PAXIP1: variants seen among roughly 807,000 people sequenced by gnomAD.
The protein encoded by PAXIP1 is PAX-interacting protein 1.
A neutral mutation model predicts 140.6 loss-of-function variants in PAXIP1; 19 were observed. The observed-to-expected ratio is 0.14, with a 90% CI of 0.09 to 0.20. PAXIP1 has a LOEUF of 0.20. Ranked by LOEUF, PAXIP1 falls within the 10% of genes least tolerant of loss-of-function variation. The probability of loss-of-function intolerance (pLI) is 1.00; values close to 1 mark genes in which losing one functional copy is unlikely to be tolerated. For synonymous variants in PAXIP1, 442 were observed against 444.6 expected (o/e 0.99, Z 0.07); for missense variants, 920 against 1,208.6 (o/e 0.76, Z 3.54).
In PAXIP1 at chr7:154,946,473, C is replaced by G. The variant is rs776022267; in HGVS notation, c.3133+39G>C. 3.1e-6 allele frequency: 5 copies of G among 1,602,716 alleles called. No homozygotes were observed. The Admixed American group carries it at 8.3e-5, about 27-fold the overall frequency. On this transcript the variant is annotated intron_variant, in intron 19 of 20. Coordinates refer to ENST00000404141, the MANE Select transcript of PAXIP1 (RefSeq NM_007349.4). The surrounding 1 kb of genome is among the most constrained non-coding windows in gnomAD (Gnocchi z 4.9). ...CTTTAGTTAGAGATCCACTGCTGTG[C>G]GTGCACACATACTCACACAGGTAAG...
At chr7:154,970,355 A>G (rs1016733719) in intron 6 of PAXIP1, among the ~76,000 whole-genome samples, 3 of 152,238 alleles carry the variant, frequency 2.0e-5, no homozygotes, top group Non-Finnish European at 2.9e-5. Flanking sequence ...TGCAAAGATT[A>G]TATGACCTGC....
chr7:154,980,716 T>G (rs1809802208), intron 5 of PAXIP1, among the ~76,000 whole-genome samples: 1 of 152,216 alleles, frequency 6.6e-6, no homozygotes, highest in African/African-American at 2.4e-5. Context: ...TTCTGGCCCA[T>G]GTAATATCTT....
At chr7:154,957,197 TG>T (rs111310745) in intron 14 of PAXIP1, 26 bp downstream of exon 14, 2 of 1,345,304 alleles carry the variant, frequency 1.5e-6, no homozygotes, top group Non-Finnish European at 2.1e-6. Flanking sequence ...AAGCCAGCAA[TG>T]AAAAATTTAA....
intron 4 of PAXIP1, among the ~76,000 whole-genome samples, chr7:154,987,967 C>T (rs1810151931): frequency 6.6e-6 from 1 of 152,174 alleles, no homozygotes; most frequent in African/African-American, 2.4e-5. Flanking sequence ...ACAAGTGATT[C>T]TAATTTTGTT....
chr7:154,963,837 G>A lies in PAXIP1; in HGVS notation c.1894-71C>T. ...AGAGGAGAATTCCAATTTCAAATAAGGCAGCTATTAAAAGACTCTATCATA... is the reference window on the plus strand; with the variant it reads ...AGAGGAGAATTCCAATTTCAAATAAAGCAGCTATTAAAAGACTCTATCATA... On this transcript the variant is annotated intron_variant, in intron 8 of 20. Coordinates refer to ENST00000404141, the MANE Select transcript of PAXIP1 (RefSeq NM_007349.4). This position sits in a 1 kb window ranked among gnomAD's most constrained non-coding sequence, Gnocchi z 4.1. 1 of 1,002,762 alleles carries A rather than the reference G, an allele frequency of 1.0e-6. No homozygotes were observed. Among genetic ancestry groups the A allele is most frequent in the Middle Eastern group, 2.1e-4 (1 of 4,672 alleles). The allele number at this position is 1,002,762 out of a possible 1,614,324, so 62.1% of individuals were successfully genotyped here. A position where few individuals can be genotyped will look rare whatever the true frequency, so the allele number is the denominator to read the frequency against.
chr7:154,944,498 G>T, intron 20 of PAXIP1: 1 of 185,020 alleles, frequency 5.4e-6, no homozygotes, highest in Non-Finnish European at 1.1e-5. Flanking sequence ...CATCCCCAAA[G>T]CCCCACCACA....
intron 6 of PAXIP1, among the ~76,000 whole-genome samples, 177 bp downstream of exon 6, chr7:154,975,517 TAC>T (rs1382562369): frequency 1.7e-5 from 1 of 59,128 alleles, no homozygotes; most frequent in African/African-American, 6.4e-5. Context: ...TATACATATA[TAC>T]ACATACACAC....
chr7:154,963,735 G>A lies in PAXIP1; in HGVS notation c.1925C>T (p.Pro642Leu). The A allele has an allele frequency of 6.2e-7, 1 of 1,613,516 alleles. No individual in the cohort carries two copies. Among genetic ancestry groups the A allele is most frequent in the Non-Finnish European group, 8.5e-7 (1 of 1,179,728 alleles). ...GTGCGTGCATCGACTCGTGAAGGTG[G>A]GGTCAACAGTGCCGCCATGTGCCTG... is the stretch of plus-strand genomic sequence containing the variant. Reference protein sequence around the residue: ...IIQAHGGTVDPTFTSRCTHLL... With the variant: ...IIQAHGGTVDLTFTSRCTHLL... The change falls in exon 9 of 21, where the codon CCC becomes CTC. Residue 642 changes from proline (P) to leucine (L), a missense_variant. Transcript: ENST00000404141. This position sits in a 1 kb window ranked among gnomAD's most constrained non-coding sequence, Gnocchi z 4.1.
At chr7:154,969,204 G>A (rs1368575283) in intron 6 of PAXIP1, 78 bp from the exon 7 acceptor site, 1 of 1,383,020 alleles carries the variant, frequency 7.2e-7, no homozygotes, top group Non-Finnish European at 9.5e-7. Flanking sequence ...TCAAGAGAAT[G>A]GCATATCCTA....
At chr7:155,003,255 G>GA (rs1554514720), upstream of PAXIP1, among the ~76,000 whole-genome samples, 1 of 151,160 alleles carries the variant, frequency 6.6e-6, no homozygotes, top group African/African-American at 2.4e-5. Context: ...GGTAGCTGGC[G>GA]CCGGCAGCCC....
At chr7:155,001,925 G>A (rs764432907) in intron 1 of PAXIP1, 2 of 152,268 alleles carry the variant, frequency 1.3e-5, no homozygotes, top group Non-Finnish European at 2.9e-5. Flanking sequence ...TGCGAAATAT[G>A]AGTCTCCGCC....
At chr7:154,989,267 T>TTAAC (rs1176363182) in intron 4 of PAXIP1, among the ~76,000 whole-genome samples, 1 of 152,220 alleles carries the variant, frequency 6.6e-6, no homozygotes, top group Admixed American at 6.5e-5. Context: ...ATCCTTTGTA[T>TTAAC]TAACTGTTGA....
intron 4 of PAXIP1, among the ~76,000 whole-genome samples, chr7:154,988,562 C>A (rs1810180082): frequency 6.6e-6 from 1 of 152,096 alleles, no homozygotes; most frequent in Admixed American, 6.5e-5. Flanking sequence ...TATCTAATTA[C>A]CTCATTTGAA....
intron 13 of PAXIP1, among the ~76,000 whole-genome samples, chr7:154,957,960 C>A (rs530710576): frequency 1.7e-5 from 2 of 115,850 alleles, no homozygotes; most frequent in African/African-American, 6.6e-5. Context: ...GGCGACAGAG[C>A]GAGACTCCGT....
At chr7:154,964,720 A>G (rs1808925602) in intron 8 of PAXIP1, 1 of 152,166 alleles carries the variant, frequency 6.6e-6, no homozygotes, top group Admixed American at 6.5e-5. Context: ...ACATTCTTCA[A>G]GCCTTCCTGA....
Position 154,954,352 on chromosome 7 carries a change from C to G in PAXIP1, c.2724G>C (p.Val908=). The change falls in exon 16 of 21, where the codon GTG becomes GTC. Residue 908 remains valine, a synonymous_variant. Transcript: ENST00000404141. This position sits in a 1 kb window ranked among gnomAD's most constrained non-coding sequence, Gnocchi z 5.1. ...CCGTCAGGAACTTCACGGTGCGAGT[C>G]ACTTTGCTGGCAATGAGGTGTGTGC... is the stretch of plus-strand genomic sequence containing the variant. The part of the protein sequence containing the change: ...QKCTHLIASK[V]TRTVKFLTAI... 1 of 1,609,444 alleles carries G rather than the reference C, an allele frequency of 6.2e-7. No homozygotes were observed. The highest frequency in any genetic ancestry group is 8.5e-7 in the Non-Finnish European group (1 of 1,176,606).
Position 154,963,070 on chromosome 7 carries a change from CT to C in PAXIP1, c.1989+600del, listed in dbSNP as rs1808834091. ...AGAAAAGCTCTGTAAGGGACCTGGT[CT>C]TTACACGCTTGTGTGCAAGTCACAC... On this transcript the variant is annotated intron_variant, in intron 9 of 20. Transcript: ENST00000404141. The surrounding 1 kb of genome is among the most constrained non-coding windows in gnomAD (Gnocchi z 4.1). 6.6e-6 allele frequency among the ~76,000 whole-genome samples: 1 copy of C among 152,202 alleles called. No individual in the cohort carries two copies. The highest frequency in any genetic ancestry group is 2.1e-4 in the South Asian group (1 of 4,830).
Position 154,963,544 on chromosome 7 carries a change from A to G in PAXIP1, c.1989+127T>C. On this transcript the variant is annotated intron_variant, in intron 9 of 20. Coordinates refer to ENST00000404141, the MANE Select transcript of PAXIP1 (RefSeq NM_007349.4). This position sits in a 1 kb window ranked among gnomAD's most constrained non-coding sequence, Gnocchi z 4.1. The stretch of plus-strand genomic sequence containing the variant: ...CCACCAAAGATTCGATCACAGGAAG[A>G]AGGAATTTTCCTATCTTTAGAGGTA... 1.6e-6 allele frequency: 1 copy of G among 640,878 alleles called. No homozygotes were observed. The highest frequency in any genetic ancestry group is 1.9e-5 in the South Asian group (1 of 52,474). 39.7% of individuals were successfully genotyped at this position (640,878 alleles called of 1,614,324 possible).
At chr7:154,955,307 A>T (rs1808455138) in intron 15 of PAXIP1, among the ~76,000 whole-genome samples, 1 of 152,242 alleles carries the variant, frequency 6.6e-6, no homozygotes, top group Admixed American at 6.5e-5. Context: ...CTAATAAGAA[A>T]GCAAGTATCT....
Sources: gnomAD v4.1 joint callset for allele counts (sites outside exome capture counted in the v4.1 genomes callset) on GRCh38, gnomAD v4.1.1 for gene constraint, Gnocchi (gnomAD v3.1) non-coding constraint, MANE v1.5 for transcripts, NCBI Gene and HGNC (gene_info 2026-07-23, HGNC 2026-07-21) for gene names.